Variants in PCDHA11 observed in about 807,000 individuals in gnomAD.
PCDHA11 encodes the protein protocadherin alpha-11.
A neutral mutation model predicts 70.3 loss-of-function variants in PCDHA11; 61 were observed. The observed-to-expected ratio is 0.87, with a 90% CI of 0.71 to 1.07. PCDHA11 has a LOEUF of 1.07. Ranked by LOEUF, PCDHA11 falls within the 50% of genes least tolerant of loss-of-function variation. The pLI is 0.00. For missense variants in PCDHA11, 1,324 were observed against 1,237.5 expected (o/e 1.07, Z -1.05); for synonymous variants, 633 against 555.1 (o/e 1.14, Z -1.97).
Position 140,871,448 on chromosome 5 carries a change from A to G in PCDHA11, c.2345A>G (p.Glu782Gly), listed in dbSNP as rs2053088391. The change falls in exon 1 of 4, where the codon GAG becomes GGG. Residue 782 changes from glutamate (E) to glycine (G), a missense_variant. Physicochemically the swap from Glu to Gly is moderately conservative, Grantham distance 98. Transcript: ENST00000398640. ...SPSLPLGLNK[E>G]EEGERQEPGS... ...AGTCTTCCTCTAGGTCTGAATAAAG[A>G]GGAGGAAGGGGAAAGACAGGAGCCA... 2 of 1,609,780 alleles carry G rather than the reference A, an allele frequency of 1.2e-6. No homozygotes were observed. Among genetic ancestry groups the G allele is most frequent in the African/African-American group, 2.7e-5 (2 of 74,984 alleles).
At chr5:140,876,556 G>A (rs369915148) in intron 1 of PCDHA11, 10 of 1,614,204 alleles carry the variant, frequency 6.2e-6, no homozygotes, top group Non-Finnish European at 8.5e-6. Flanking sequence ...TGTGCAAGAG[G>A]ATGCTCAGGT....
At chr5:140,959,886 G>A (rs1171381497) in intron 1 of PCDHA11, among the ~76,000 whole-genome samples, 1 of 152,194 alleles carries the variant, frequency 6.6e-6, no homozygotes, top group Non-Finnish European at 1.5e-5. Flanking sequence ...GAATACACGA[G>A]TGGGATTTAT....
chr5:140,895,772 C>T (rs1554186642), intron 1 of PCDHA11, among the ~76,000 whole-genome samples: 1 of 152,072 alleles, frequency 6.6e-6, no homozygotes, highest in Non-Finnish European at 1.5e-5. Flanking sequence ...TTTATGGCTG[C>T]ATAGTATTCA....
At chr5:140,909,972 T>C (rs948733470) in intron 1 of PCDHA11, among the ~76,000 whole-genome samples, 1 of 152,220 alleles carries the variant, frequency 6.6e-6, no homozygotes. Context: ...TGGGGAAGGA[T>C]GGGAGAAAGA....
chr5:140,876,928 A>G lies in PCDHA11; in HGVS notation c.2391+5434A>G, dbSNP rs188405716. On this transcript the variant is annotated intron_variant, in intron 1 of 3. Coordinates refer to ENST00000398640, the MANE Select transcript of PCDHA11 (RefSeq NM_018902.5). ...GTCGGCATGGGACGCGGACGCGCAG[A>G]AGAACGCGCTGGTGTCCTACTCGCT... The G allele has an allele frequency of 1.9e-5, 31 of 1,613,808 alleles. No individual in the cohort carries two copies. In the African/African-American group the frequency reaches 2.4e-4, roughly 12 times the overall value.
chr5:140,888,421 G>T (rs1046155514), intron 1 of PCDHA11, among the ~76,000 whole-genome samples: 9 of 152,144 alleles, frequency 5.9e-5, no homozygotes. Context: ...ACATCCTACC[G>T]TGCACAGGAC....
intron 3 of PCDHA11, among the ~76,000 whole-genome samples, chr5:141,005,701 CAAAAAAAAAA>C (rs59860837): frequency 9.0e-4 from 7 of 7,792 alleles, no homozygotes; most frequent in East Asian, 6.4e-3. Context: ...AACTCCGTCT[CAAAAAAAAAA>C]AAAAAAAAAA....
chr5:140,916,437 C>T lies in PCDHA11; in HGVS notation c.2391+44943C>T, dbSNP rs77605255. Among the ~76,000 whole-genome samples the T allele has an allele frequency of 8.0e-3, 1,220 of 152,340 alleles. 6 individuals are homozygous for T. The highest frequency in any genetic ancestry group is 0.019 in the African/African-American group (786 of 41,586). Reference sequence around the variant, plus strand: ...AGCACATCTCAGAACCTAAGGCCCACAGTATACTACCTGGATATCACTGCT... The same window carrying T: ...AGCACATCTCAGAACCTAAGGCCCATAGTATACTACCTGGATATCACTGCT... On this transcript the variant is annotated intron_variant, in intron 1 of 3. Coordinates refer to ENST00000398640, the MANE Select transcript of PCDHA11 (RefSeq NM_018902.5).
intron 1 of PCDHA11, among the ~76,000 whole-genome samples, chr5:140,974,875 A>G (rs934874769): frequency 1.6e-4 from 24 of 152,174 alleles, no homozygotes; most frequent in Non-Finnish European, 1.9e-4. Context: ...GGAACAGTCT[A>G]TGTATCCCTT....
chr5:140,898,118 A>T (rs2153459272), intron 1 of PCDHA11, among the ~76,000 whole-genome samples: 1 of 151,730 alleles, frequency 6.6e-6, no homozygotes, highest in Non-Finnish European at 1.5e-5. Context: ...GGTTGCGAAA[A>T]TTTTCTCCCA....
chr5:140,972,978 A>G (rs1392208477), intron 1 of PCDHA11, among the ~76,000 whole-genome samples: 1 of 152,058 alleles, frequency 6.6e-6, no homozygotes, highest in African/African-American at 2.4e-5. Flanking sequence ...ACCAAATCTT[A>G]AGGTAGATTC....
rs1582019516 is a variant in PCDHA11, at chr5:140,871,192, G to C, written c.2089G>C (p.Val697Leu). ...SPEAALVDVNVYLIIAICVVS... is the reference protein window; with the variant it reads ...SPEAALVDVNLYLIIAICVVS... ...AGAGGCTGCGCTGGTGGATGTCAAC[G>C]TGTACCTGATCATCGCCATCTGCGT... Residue 697 changes from valine (V) to leucine (L), a missense_variant, in exon 1 of 4, where the codon GTG becomes CTG. Val to Leu is a conservative substitution (Grantham distance 32, BLOSUM62 1). Transcript: ENST00000398640. 6.2e-7 allele frequency: 1 copy of C among 1,613,550 alleles called. No individual in the cohort carries two copies. The highest frequency in any genetic ancestry group is 8.5e-7 in the Non-Finnish European group (1 of 1,179,952).
chr5:140,975,527 A>G (rs782267941), intron 1 of PCDHA11, among the ~76,000 whole-genome samples: 2 of 152,220 alleles, frequency 1.3e-5, no homozygotes, highest in Non-Finnish European at 2.9e-5. Context: ...CAGTGGATAT[A>G]TTCTTAATAC....
At chr5:140,926,785 G>A in intron 1 of PCDHA11, 1 of 1,417,966 alleles carries the variant, frequency 7.1e-7, no homozygotes. Context: ...GTGACGGCCG[G>A]CAGGAGCGTG....
At chr5:140,929,391 A>G in intron 1 of PCDHA11, 1 of 1,511,404 alleles carries the variant, frequency 6.6e-7, no homozygotes, top group South Asian at 1.4e-5. Flanking sequence ...GTTTTGAAAT[A>G]TTTCTTAGAC....
chr5:141,003,654 A>G (rs1451170896), intron 3 of PCDHA11, among the ~76,000 whole-genome samples: 1 of 152,212 alleles, frequency 6.6e-6, no homozygotes, highest in Non-Finnish European at 1.5e-5. Flanking sequence ...ATCTGTATGC[A>G]TTTATTAAAA....
intron 1 of PCDHA11, chr5:140,926,908 G>A: frequency 6.4e-7 from 1 of 1,560,434 alleles, no homozygotes; most frequent in South Asian, 1.2e-5. Context: ...GGGCTGTGGG[G>A]TGGCAGTTTT....
intron 1 of PCDHA11, chr5:140,966,278 T>TGG (rs1173319352): frequency 3.6e-5 from 13 of 363,192 alleles, no homozygotes; most frequent in Admixed American, 2.8e-4. Context: ...AACTGGACAG[T>TGG]GGGGGTAGGG....
rs782158709 is a variant in PCDHA11, at chr5:140,869,898, C to T, written c.795C>T (p.Asn265=). The change falls in exon 1 of 4, where the codon AAC becomes AAT. Residue 265 remains asparagine (N), a synonymous_variant. Transcript: ENST00000398640. ...AAGAAACTCTTGTGCTCAAACTAAA[C>T]GCCACAGACCGAGACGAAGGAGTCA... is the stretch of plus-strand genomic sequence containing the variant. The part of the protein sequence containing the change: ...AAKETLVLKL[N]ATDRDEGVNG... 1 of 1,610,356 alleles carries T rather than the reference C, an allele frequency of 6.2e-7. No individual in the cohort carries two copies. The highest frequency in any genetic ancestry group is 8.5e-7 in the Non-Finnish European group (1 of 1,178,082).
Sources: allele counts gnomAD v4.1 joint callset (sites outside exome capture counted in the v4.1 genomes callset), GRCh38; gene constraint gnomAD v4.1.1; transcripts MANE v1.5; gene names NCBI Gene and HGNC (gene_info 2026-07-23, HGNC 2026-07-21).